Variants in CDK5RAP2 observed in about 807,000 individuals in gnomAD.
CDK5RAP2 encodes the protein CDK5 regulatory subunit-associated protein 2.
In CDK5RAP2, 147 loss-of-function variants were observed where a neutral mutation model predicts 232.9. The ratio of observed to expected loss-of-function variants is 0.63; its 90% CI spans 0.55 to 0.72. The LOEUF (loss-of-function observed/expected upper bound fraction) is 0.72. CDK5RAP2 is among the 30% of genes least tolerant of loss of function. The probability of loss-of-function intolerance (pLI) is 0.00; values close to 1 mark genes in which losing one functional copy is unlikely to be tolerated. For synonymous variants in CDK5RAP2, 833 were observed against 833.7 expected, an observed-to-expected ratio of 1.00 and a Z score of 0.01; for missense variants, 2,195 against 2,231.5, an observed-to-expected ratio of 0.98 and a Z score of 0.33.
At chr9:120,513,548 C>T (rs2040190665) in intron 12 of CDK5RAP2, among the ~76,000 whole-genome samples, 1 of 152,214 alleles carries the variant, frequency 6.6e-6, no homozygotes, top group Non-Finnish European at 1.5e-5. Context: ...GCCTTCTATA[C>T]AAAACCTTCC....
chr9:120,538,751 G>C (rs1005518833), intron 6 of CDK5RAP2, among the ~76,000 whole-genome samples: 4 of 152,178 alleles, frequency 2.6e-5, no homozygotes, highest in Non-Finnish European at 4.4e-5. Flanking sequence ...TTAAACCCAG[G>C]ATTAAACCTA....
chr9:120,517,158 A>G (rs1174371394), intron 12 of CDK5RAP2, among the ~76,000 whole-genome samples: 5 of 152,228 alleles, frequency 3.3e-5, no homozygotes, highest in Admixed American at 3.3e-4. Flanking sequence ...GGACTGAACG[A>G]TAGTACAGAA....
chr9:120,555,057 A>G (rs1044904389), intron 3 of CDK5RAP2, among the ~76,000 whole-genome samples: 11 of 151,932 alleles, frequency 7.2e-5, no homozygotes, highest in Non-Finnish European at 5.9e-5. Context: ...GGAGAAACAG[A>G]TATAAAAAAA....
chr9:120,557,750 C>T (rs1319104135), intron 3 of CDK5RAP2, among the ~76,000 whole-genome samples: 1 of 148,078 alleles, frequency 6.8e-6, no homozygotes, highest in Non-Finnish European at 1.5e-5. Context: ...CAGAGTGAGA[C>T]CCTCTGTCAA....
chr9:120,404,420 A>AC (rs1432897983), intron 32 of CDK5RAP2, among the ~76,000 whole-genome samples: 1 of 152,294 alleles, frequency 6.6e-6, no homozygotes, highest in Admixed American at 6.5e-5. Flanking sequence ...GAGGGGCACT[A>AC]CCCCCAACTT....
At chr9:120,485,440 A>T (rs2038548986) in intron 14 of CDK5RAP2, among the ~76,000 whole-genome samples, 1 of 152,004 alleles carries the variant, frequency 6.6e-6, no homozygotes, top group Admixed American at 6.6e-5. Flanking sequence ...GATTACAGGC[A>T]TGTGCCACCA....
At chr9:120,567,943 G>A (rs1194561600) in intron 3 of CDK5RAP2, among the ~76,000 whole-genome samples, 1 of 152,126 alleles carries the variant, frequency 6.6e-6, no homozygotes, top group Non-Finnish European at 1.5e-5. Flanking sequence ...CATCAAATAG[G>A]GGACCATAAA....
intron 28 of CDK5RAP2, among the ~76,000 whole-genome samples, 175 bp downstream of exon 28, chr9:120,414,865 A>G (rs551024280): frequency 1.4e-4 from 21 of 152,356 alleles, no homozygotes; most frequent in African/African-American, 4.6e-4. Flanking sequence ...CAGCTTCCAA[A>G]GTTAAATGAG....
At position 120,439,699 on chromosome 9, in the gene CDK5RAP2, T is replaced by C; in HGVS notation, c.3422A>G (p.Glu1141Gly). 3.7e-6 allele frequency: 6 copies of C among 1,614,250 alleles called. No individual in the cohort carries two copies. In the South Asian group the frequency reaches 5.5e-5, roughly 15 times the overall value. ...FQLQKHSQCSEAIITVLCGTE... is the reference protein window; with the variant it reads ...FQLQKHSQCSGAIITVLCGTE... Reference sequence around the variant, plus strand: ...CCCACACAAAACTGTAATTATGGCCTCACTGCACTGGGAGTGCTTTTGAAG... The same window carrying C: ...CCCACACAAAACTGTAATTATGGCCCCACTGCACTGGGAGTGCTTTTGAAG... The change falls in exon 24 of 38, where the codon GAG becomes GGG. Residue 1141 changes from glutamate to glycine, a missense_variant. Transcript: ENST00000349780.
intron 1 of CDK5RAP2, among the ~76,000 whole-genome samples, chr9:120,572,989 T>C (rs2042908016): frequency 6.6e-6 from 1 of 152,230 alleles, no homozygotes; most frequent in South Asian, 2.1e-4. Context: ...GGCGGTTCTG[T>C]GGAGAGCCAG....
At chr9:120,486,018 T>C (rs1188749659) in intron 14 of CDK5RAP2, among the ~76,000 whole-genome samples, 1 of 152,252 alleles carries the variant, frequency 6.6e-6, no homozygotes, top group Non-Finnish European at 1.5e-5. Flanking sequence ...GCTCTGATAC[T>C]GAGCAGATAC....
At chr9:120,506,614 A>G (rs1443892952) in intron 12 of CDK5RAP2, among the ~76,000 whole-genome samples, 1 of 152,228 alleles carries the variant, frequency 6.6e-6, no homozygotes, top group Non-Finnish European at 1.5e-5. Context: ...AAATACCAAC[A>G]TTACAGGAGT....
At chr9:120,511,316 T>C (rs996168244) in intron 12 of CDK5RAP2, among the ~76,000 whole-genome samples, 1 of 152,214 alleles carries the variant, frequency 6.6e-6, no homozygotes, top group Non-Finnish European at 1.5e-5. Context: ...ACATAGGATT[T>C]AGGTCAGGGC....
intron 3 of CDK5RAP2, among the ~76,000 whole-genome samples, chr9:120,558,368 T>A (rs1349932275): frequency 3.3e-3 from 11 of 3,378 alleles, no homozygotes; most frequent in African/African-American, 4.9e-3. Context: ...TGAGACTCCG[T>A]CTCAAAAAAA....
chr9:120,542,827 A>G (rs1238806314), intron 5 of CDK5RAP2, among the ~76,000 whole-genome samples: 1 of 152,228 alleles, frequency 6.6e-6, no homozygotes, highest in Non-Finnish European at 1.5e-5. Flanking sequence ...AGTGTTAAAC[A>G]TAGAGTATTA....
Position 120,394,496 on chromosome 9 carries a change from C to A in CDK5RAP2, c.5578+16G>T, listed in dbSNP as rs758443623. The A allele has an allele frequency of 6.2e-7, 1 of 1,614,024 alleles. No individual in the cohort carries two copies. Among genetic ancestry groups the A allele is most frequent in the Non-Finnish European group, 8.5e-7 (1 of 1,179,996 alleles). On this transcript the variant is annotated intron_variant, in intron 36 of 37. Transcript: ENST00000349780. ...GGAAGTGGTCAGGCATAGCGGCCAC[C>A]CCCACACTCACTCACATTGATCAAA...
At chr9:120,458,210 A>G (rs1300700390) in intron 20 of CDK5RAP2, among the ~76,000 whole-genome samples, 1 of 152,118 alleles carries the variant, frequency 6.6e-6, no homozygotes, top group East Asian at 1.9e-4. Context: ...ATAATTCCCA[A>G]AGAAAGCTTT....
intron 32 of CDK5RAP2, 144 bp downstream of exon 32, chr9:120,406,868 G>A (rs1262734800): frequency 1.5e-6 from 1 of 664,998 alleles, no homozygotes; most frequent in East Asian, 2.6e-5. Context: ...TAGCAGTCAG[G>A]TCCCCTGGCT....
chr9:120,449,581 G>A (rs561278278), intron 21 of CDK5RAP2, among the ~76,000 whole-genome samples: 2 of 152,226 alleles, frequency 1.3e-5, no homozygotes, highest in South Asian at 4.1e-4. Flanking sequence ...GCCAAATGGG[G>A]GTCTCTTCCA....
Sources: gnomAD v4.1 joint callset for allele counts (sites outside exome capture counted in the v4.1 genomes callset) on GRCh38, gnomAD v4.1.1 for gene constraint, MANE v1.5 for transcripts, NCBI Gene and HGNC (gene_info 2026-07-23, HGNC 2026-07-21) for gene names.